SH3RF2: variants seen among roughly 807,000 people sequenced by gnomAD.
SH3RF2 encodes the protein E3 ubiquitin-protein ligase SH3RF2.
In SH3RF2, 43 loss-of-function variants were observed where a neutral mutation model predicts 59.0. The observed-to-expected ratio is 0.73, with a 90% CI of 0.57 to 0.94. The LOEUF (loss-of-function observed/expected upper bound fraction) is 0.94. SH3RF2 is among the 40% of genes least tolerant of loss of function. The pLI is 0.00. For missense variants in SH3RF2, 930 were observed against 940.1 expected (o/e 0.99, Z 0.14); for synonymous variants, 391 against 391.5 (o/e 1.00, Z 0.01).
intron 5 of SH3RF2, among the ~76,000 whole-genome samples, chr5:146,047,246 G>A (rs2150013853): frequency 6.6e-6 from 1 of 151,606 alleles, no homozygotes; most frequent in African/African-American, 2.4e-5. Flanking sequence ...GATTTTCTTT[G>A]TTTCATACTA....
In SH3RF2 at chr5:145,955,487, C is replaced by T. The variant is rs180944598; in HGVS notation, c.378+17181C>T. 1.9e-3 allele frequency among the ~76,000 whole-genome samples: 293 copies of T among 152,216 alleles called. 1 individual carries two copies. The highest frequency in any genetic ancestry group is 5.7e-3 in the African/African-American group (236 of 41,534). Reference sequence around the variant, plus strand: ...AGTACCTGGGTGACAGGATCATTCGCGCCCTAAACCTCAGCATCCCACAAT... The same window carrying T: ...AGTACCTGGGTGACAGGATCATTCGTGCCCTAAACCTCAGCATCCCACAAT... On this transcript the variant is annotated intron_variant, in intron 2 of 9. Coordinates refer to ENST00000359120, the MANE Select transcript of SH3RF2 (RefSeq NM_152550.4).
chr5:146,041,138 T>C (rs532684787), intron 5 of SH3RF2, among the ~76,000 whole-genome samples: 28 of 152,188 alleles, frequency 1.8e-4, no homozygotes, highest in Non-Finnish European at 3.8e-4. Flanking sequence ...TTCCTGAAAA[T>C]TGTGAAATCT....
chr5:145,967,176 G>T (rs897515513), intron 2 of SH3RF2, among the ~76,000 whole-genome samples: 5 of 152,112 alleles, frequency 3.3e-5, no homozygotes, highest in African/African-American at 1.2e-4. Flanking sequence ...GTTGGAGGCT[G>T]TTTAAAGTTA....
At chr5:145,952,298 T>A (rs1259132599) in intron 2 of SH3RF2, among the ~76,000 whole-genome samples, 1 of 152,114 alleles carries the variant, frequency 6.6e-6, no homozygotes, top group African/African-American at 2.4e-5. Context: ...ATTGCCACAA[T>A]CCTAGAGAAT....
At chr5:146,025,265 C>T (rs533567035) in intron 5 of SH3RF2, among the ~76,000 whole-genome samples, 2 of 152,362 alleles carry the variant, frequency 1.3e-5, no homozygotes, top group South Asian at 2.1e-4. Context: ...ACCACCTTCC[C>T]GCATGGCATG....
chr5:145,999,936 T>TA, intron 2 of SH3RF2, 122 bp from the exon 3 acceptor site: 2 of 1,196,638 alleles, frequency 1.7e-6, no homozygotes, highest in Non-Finnish European at 2.3e-6. Flanking sequence ...CTTTGATTTG[T>TA]AAAAAACTCA....
intron 7 of SH3RF2, 183 bp from the exon 8 acceptor site, chr5:146,055,798 G>T (rs996198861): frequency 2.8e-5 from 18 of 644,382 alleles, no homozygotes; most frequent in Admixed American, 5.7e-5. Context: ...CCGGGTGTAG[G>T]GAGGTGGGGC....
At chr5:146,026,194 C>G (rs1315788858) in intron 5 of SH3RF2, among the ~76,000 whole-genome samples, 1 of 152,180 alleles carries the variant, frequency 6.6e-6, no homozygotes, top group Non-Finnish European at 1.5e-5. Context: ...TTAACAGACT[C>G]AAGGTCTTCC....
chr5:145,942,360 C>G (rs941578987), intron 2 of SH3RF2, among the ~76,000 whole-genome samples: 2 of 152,198 alleles, frequency 1.3e-5, no homozygotes, highest in African/African-American at 4.8e-5. Context: ...ACACACGTTT[C>G]TGTCTTACTT....
At chr5:145,959,645 G>GTA (rs1205831164) in intron 2 of SH3RF2, among the ~76,000 whole-genome samples, 2 of 146,152 alleles carry the variant, frequency 1.4e-5, no homozygotes, top group African/African-American at 5.1e-5. Context: ...GTGTGTGTGT[G>GTA]TGTATGTGTG....
chr5:146,047,794 C>A lies in SH3RF2; in HGVS notation c.1082C>A (p.Pro361His), dbSNP rs565879722. ...VGQVSTYHPA[P>H]VSPGHSTAVV... ...CAGGTCAGCACTTATCACCCCGCAC[C>A]TGTCTCTCCAGGACATTCCACAGCC... The change falls in exon 6 of 10, where the codon CCT becomes CAT. Residue 361 changes from proline (P) to histidine (H), a missense_variant. Pro to His is a moderately conservative substitution (Grantham distance 77). Transcript: ENST00000359120. 9.9e-6 allele frequency: 16 copies of A among 1,614,178 alleles called. No individual in the cohort carries two copies. In the African/African-American group the frequency reaches 1.9e-4, roughly 19 times the overall value.
chr5:146,030,547 G>T (rs748727796), intron 5 of SH3RF2, among the ~76,000 whole-genome samples: 3 of 152,152 alleles, frequency 2.0e-5, no homozygotes, highest in Non-Finnish European at 4.4e-5. Context: ...GTCTACGTCT[G>T]TAGAGAAAGC....
chr5:146,076,346 G>A (rs1310220264), intron 9 of SH3RF2, among the ~76,000 whole-genome samples: 1 of 152,054 alleles, frequency 6.6e-6, no homozygotes, highest in East Asian at 1.9e-4. Flanking sequence ...ATATTAACAG[G>A]TTGAACCTTC....
At chr5:145,939,210 G>C (rs1757716182) in intron 2 of SH3RF2, among the ~76,000 whole-genome samples, 1 of 152,242 alleles carries the variant, frequency 6.6e-6, no homozygotes, top group Non-Finnish European at 1.5e-5. Context: ...CCTGGAGTCA[G>C]TGTAAAAAAG....
chr5:145,965,490 T>C (rs1028766487), intron 2 of SH3RF2, among the ~76,000 whole-genome samples: 2 of 152,060 alleles, frequency 1.3e-5, no homozygotes, highest in African/African-American at 4.8e-5. Flanking sequence ...TGGACTAGGG[T>C]GGGGCAATTT....
intron 2 of SH3RF2, among the ~76,000 whole-genome samples, chr5:145,973,535 T>G (rs957097523): frequency 6.6e-6 from 1 of 152,236 alleles, no homozygotes; most frequent in Non-Finnish European, 1.5e-5. Context: ...TTAAGAAGGA[T>G]GAGAAGTCAT....
chr5:146,036,492 C>A (rs934297723), intron 5 of SH3RF2, among the ~76,000 whole-genome samples: 4 of 151,936 alleles, frequency 2.6e-5, no homozygotes, highest in Non-Finnish European at 4.4e-5. Context: ...GTCAGGAGTT[C>A]GAGACCAGCC....
At chr5:145,973,749 T>C (rs1759176911) in intron 2 of SH3RF2, among the ~76,000 whole-genome samples, 2 of 152,220 alleles carry the variant, frequency 1.3e-5, no homozygotes, top group Non-Finnish European at 2.9e-5. Flanking sequence ...CAGTAAGCAA[T>C]ATATGGAAGT....
At chr5:146,023,980 A>AT (rs1761431792) in intron 5 of SH3RF2, among the ~76,000 whole-genome samples, 1 of 152,230 alleles carries the variant, frequency 6.6e-6, no homozygotes, top group Admixed American at 6.5e-5. Flanking sequence ...TTGTATGAAT[A>AT]TACCACATTT....
Sources: gnomAD v4.1 joint callset for allele counts (sites outside exome capture counted in the v4.1 genomes callset) on GRCh38, gnomAD v4.1.1 for gene constraint, MANE v1.5 for transcripts, NCBI Gene and HGNC (gene_info 2026-07-23, HGNC 2026-07-21) for gene names.